ANKFY1: variants seen among roughly 807,000 people sequenced by gnomAD.
The protein encoded by ANKFY1 is ankyrin repeat and FYVE domain-containing protein 1.
ANKFY1 carries 47 observed loss-of-function variants against 128.3 expected under a neutral mutation model. That is an observed-to-expected ratio of 0.37 (90% confidence interval 0.29 to 0.47). The LOEUF is 0.47. Ranked by LOEUF, ANKFY1 falls within the 20% of genes least tolerant of loss-of-function variation. The probability of loss-of-function intolerance (pLI) is 1.00; values close to 1 mark genes in which losing one functional copy is unlikely to be tolerated. For missense variants in ANKFY1, 1,222 were observed against 1,510.6 expected, an observed-to-expected ratio of 0.81 and a Z score of 3.17; for synonymous variants, 553 against 601.6, an observed-to-expected ratio of 0.92 and a Z score of 1.18.
At chr17:4,214,712 G>A (rs2060192263) in intron 4 of ANKFY1, among the ~76,000 whole-genome samples, 1 of 151,946 alleles carries the variant, frequency 6.6e-6, no homozygotes, top group African/African-American at 2.4e-5. Flanking sequence ...ATTTTTAGTA[G>A]AGACTGGGTT....
chr17:4,200,046 A>G (rs570203940), intron 7 of ANKFY1, among the ~76,000 whole-genome samples: 67 of 148,390 alleles, frequency 4.5e-4, no homozygotes, highest in African/African-American at 1.6e-3. Flanking sequence ...TCATATCGGG[A>G]AAGTTGGGTT....
chr17:4,174,181 G>C, intron 19 of ANKFY1, 125 bp from the exon 20 acceptor site: 1 of 1,146,050 alleles, frequency 8.7e-7, no homozygotes, highest in Non-Finnish European at 1.2e-6. Flanking sequence ...TGACAGAGCT[G>C]GGAGCATAGG....
At chr17:4,185,692 T>A (rs1346130364) in intron 11 of ANKFY1, among the ~76,000 whole-genome samples, 3 of 152,072 alleles carry the variant, frequency 2.0e-5, no homozygotes, top group African/African-American at 7.2e-5. Context: ...GCTTCTTGAC[T>A]TCACCTCCAA....
Position 4,178,902 on chromosome 17 carries a change from C to A in ANKFY1, c.2553G>T (p.Lys851Asn), listed in dbSNP as rs2059457585. 6.2e-7 allele frequency: 1 copy of A among 1,614,188 alleles called. No homozygotes were observed. Among genetic ancestry groups the A allele is most frequent in the East Asian group, 2.2e-5 (1 of 44,884 alleles). ...FACAMTFKNN[K>N]SAEAILKRES... ...CTCGTTTGAGAATGGCCTCGGCTGA[C>A]TTGTTGTTCTTGAAAGTCATGGCAC... Residue 851 changes from lysine (K) to asparagine (N), a missense_variant, in exon 18 of 25, where the codon AAG becomes AAT. Coordinates refer to ENST00000341657, the MANE Select transcript of ANKFY1 (RefSeq NM_001330063.2). This position sits in a 1 kb window ranked among gnomAD's most constrained non-coding sequence, Gnocchi z 4.1.
rs765555843 is a variant in ANKFY1 at position 4,217,124 on chromosome 17, TAAAG to T, written c.323-10_323-7del. 5 of 1,607,318 alleles carry T rather than the reference TAAAG, an allele frequency of 3.1e-6. No individual in the cohort carries two copies. In the South Asian group the frequency reaches 3.3e-5, roughly 11 times the overall value. On this transcript the variant is annotated splice_region_variant and splice_polypyrimidine_tract_variant and intron_variant, in intron 3 of 24. Transcript: ENST00000341657. ...CGTCACCTCAGGATTAGCATCTGGTTAAAGAAAGAGAGAACAACTGAAAAAGCAT... is the reference window on the plus strand; with the variant it reads ...CGTCACCTCAGGATTAGCATCTGGTTAAAGAGAGAACAACTGAAAAAGCAT...
intron 3 of ANKFY1, among the ~76,000 whole-genome samples, chr17:4,226,699 C>T (rs1567961056): frequency 6.7e-6 from 1 of 148,932 alleles, no homozygotes; most frequent in Admixed American, 6.7e-5. Context: ...GCTGAGATAG[C>T]GCCACTGCAC....
chr17:4,185,605 T>C (rs938378822), intron 11 of ANKFY1, among the ~76,000 whole-genome samples: 4 of 152,186 alleles, frequency 2.6e-5, no homozygotes, highest in Non-Finnish European at 5.9e-5. Flanking sequence ...TAGCTGGGGT[T>C]ACAGGCGTGA....
Position 4,170,707 on chromosome 17 carries a change from C to T in ANKFY1, c.3286+8G>A, listed in dbSNP as rs776121056. 3.1e-6 allele frequency: 5 copies of T among 1,603,812 alleles called. No homozygotes were observed. Among genetic ancestry groups the T allele is most frequent in the Non-Finnish European group, 4.3e-6 (5 of 1,174,592 alleles). On this transcript the variant is annotated splice_region_variant and intron_variant, in intron 23 of 24. Coordinates refer to ENST00000341657, the MANE Select transcript of ANKFY1 (RefSeq NM_001330063.2). ...TTGCACTGTGAGAGCAGAGAGCGGG[C>T]CACTCACCCAGCAGTCGGAACAGGA...
In ANKFY1 at chr17:4,177,286, C is replaced by A. The variant is rs755669349; in HGVS notation, c.2615G>T (p.Arg872Leu). 1 of 1,592,440 alleles carries A rather than the reference C, an allele frequency of 6.3e-7. No individual in the cohort carries two copies. Among genetic ancestry groups the A allele is most frequent in the Non-Finnish European group, 8.6e-7 (1 of 1,169,144 alleles). Residue 872 changes from arginine (R) to leucine (L), a missense_variant, in exon 19 of 25, where the codon CGG becomes CTG. Transcript: ENST00000341657. The part of the protein sequence containing the change: ...GAAEQVDNKG[R>L]NFLHVAVQNS... ...CTGAACTGCCACATGAAGGAAATTC[C>A]GGCCCTTGTTATCCACCTACAGCAA...
rs77599464 is a variant in ANKFY1, at chr17:4,239,265, C to A, written c.203+2991G>T. Among the ~76,000 whole-genome samples, 749 of 152,228 alleles carry A rather than the reference C, an allele frequency of 4.9e-3. 5 individuals are homozygous for A. Among genetic ancestry groups the A allele is most frequent in the African/African-American group, 0.018 (729 of 41,530 alleles). ...TGATGGGCATTCTAATGGGAAAGAGCCTCAAAGAGTAGGAGAGATGTGTCT... is the reference window on the plus strand; with the variant it reads ...TGATGGGCATTCTAATGGGAAAGAGACTCAAAGAGTAGGAGAGATGTGTCT... On this transcript the variant is annotated intron_variant, in intron 2 of 24. Coordinates refer to ENST00000341657, the MANE Select transcript of ANKFY1 (RefSeq NM_001330063.2).
intron 4 of ANKFY1, among the ~76,000 whole-genome samples, chr17:4,210,475 G>A (rs1445999658): frequency 5.3e-5 from 8 of 152,146 alleles, no homozygotes; most frequent in Non-Finnish European, 8.8e-5. Context: ...TTGGGAGGCC[G>A]AGGTGGGTGG....
Position 4,235,828 on chromosome 17 carries a change from C to A in ANKFY1, c.266G>T (p.Arg89Leu). The A allele has an allele frequency of 6.2e-7, 1 of 1,614,170 alleles. No homozygotes were observed. The highest frequency in any genetic ancestry group is 2.2e-5 in the East Asian group (1 of 44,876). The change falls in exon 3 of 25, where the codon CGC becomes CTC. Residue 89 changes from arginine (R) to leucine (L), a missense_variant. Coordinates refer to ENST00000341657, the MANE Select transcript of ANKFY1 (RefSeq NM_001330063.2). The part of the protein sequence containing the change: ...ISAHKFVLAA[R>L]SDSWSLANLS... ...GTTAGCCAGACTCCAGCTGTCACTG[C>A]GGGCTGCCAGGACAAACTTGTGAGC...
chr17:4,168,106 C>A, intron 24 of ANKFY1, 195 bp from the exon 25 acceptor site: 2 of 497,756 alleles, frequency 4.0e-6, no homozygotes, highest in Non-Finnish European at 3.5e-6. Flanking sequence ...TCTAGTCAAT[C>A]ATCAAGTTAA....
At chr17:4,249,591 G>A (rs946068015) in intron 1 of ANKFY1, among the ~76,000 whole-genome samples, 1 of 152,126 alleles carries the variant, frequency 6.6e-6, no homozygotes, top group African/African-American at 2.4e-5. Flanking sequence ...AGAGCCAAAT[G>A]AAAAGGGAAG....
chr17:4,240,125 C>A (rs924332343), intron 2 of ANKFY1, among the ~76,000 whole-genome samples: 7 of 147,450 alleles, frequency 4.7e-5, no homozygotes, highest in Non-Finnish European at 7.4e-5. Flanking sequence ...CGTGCAGTGG[C>A]GCAATCTCGG....
At chr17:4,203,307 C>T in intron 7 of ANKFY1, among the ~76,000 whole-genome samples, 1 of 152,182 alleles carries the variant, frequency 6.6e-6, no homozygotes, top group East Asian at 1.9e-4. Flanking sequence ...TGAGGCATGA[C>T]TATTGACTAT....
At chr17:4,237,647 G>A (rs1339608495) in intron 2 of ANKFY1, among the ~76,000 whole-genome samples, 1 of 152,008 alleles carries the variant, frequency 6.6e-6, no homozygotes, top group African/African-American at 2.4e-5. Context: ...TGAATGTCAG[G>A]TCAAAATTCT....
At position 4,167,409 on chromosome 17, in the gene ANKFY1, G is replaced by A. The variant is rs1307923565; in HGVS notation, c.*370C>T. 3.6e-5 allele frequency: 6 copies of A among 164,906 alleles called. No individual in the cohort carries two copies. The highest frequency in any genetic ancestry group is 6.5e-5 in the Non-Finnish European group (5 of 76,554). 10.2% of individuals were successfully genotyped at this position (164,906 alleles called of 1,614,324 possible). On this transcript the variant is annotated 3_prime_UTR_variant, in exon 25 of 25. Coordinates refer to ENST00000341657, the MANE Select transcript of ANKFY1 (RefSeq NM_001330063.2). This position sits in a 1 kb window ranked among gnomAD's most constrained non-coding sequence, Gnocchi z 4.1. ...CTCTGCCTCATCAGTCAGCCCAGGCGGGAAGACTTCATGAATGCTCTGGGA... is the reference window on the plus strand; with the variant it reads ...CTCTGCCTCATCAGTCAGCCCAGGCAGGAAGACTTCATGAATGCTCTGGGA...
Position 4,182,351 on chromosome 17 carries a change from T to C in ANKFY1, c.1953-2A>G, listed in dbSNP as rs775501164. On this transcript the variant is annotated splice_acceptor_variant, in intron 14 of 24. Coordinates refer to ENST00000341657, the MANE Select transcript of ANKFY1 (RefSeq NM_001330063.2). LOFTEE classifies it high-confidence loss of function. Reference sequence around the variant, plus strand: ...AGGGCTGTCTCCCCGTCCTGAGTCCTGCTAGGACATGCACACCCAAACCAA... The same window carrying C: ...AGGGCTGTCTCCCCGTCCTGAGTCCCGCTAGGACATGCACACCCAAACCAA... The C allele has an allele frequency of 6.4e-7, 1 of 1,552,850 alleles. No homozygotes were observed.
Sources: allele counts gnomAD v4.1 joint callset (sites outside exome capture counted in the v4.1 genomes callset), GRCh38; gene constraint gnomAD v4.1.1; non-coding constraint Gnocchi (gnomAD v3.1); transcripts MANE v1.5; gene names NCBI Gene and HGNC (gene_info 2026-07-23, HGNC 2026-07-21).